MSN: variants seen among roughly 807,000 people sequenced by gnomAD.
MSN encodes moesin.
A neutral mutation model predicts 48.0 loss-of-function variants in MSN; 2 were observed. The observed-to-expected ratio is 0.04, with a 90% CI of 0.02 to 0.13. The LOEUF is 0.13. Ranked by LOEUF, MSN falls within the 10% of genes least tolerant of loss-of-function variation. The pLI, the probability that MSN is intolerant of heterozygous loss-of-function variation, is 1.00. For missense variants in MSN, 267 were observed against 470.1 expected (o/e 0.57, Z 3.99); for synonymous variants, 146 against 166.9 (o/e 0.87, Z 0.97).
intron 1 of MSN, among the ~76,000 whole-genome samples, chrX:65,681,712 A>T (rs1329840723): frequency 8.9e-6 from 1 of 112,104 alleles, no homozygotes; most frequent in Non-Finnish European, 1.9e-5. Context: ...CTGAGGATTC[A>T]TTCAGTGCAC....
intron 1 of MSN, among the ~76,000 whole-genome samples, chrX:65,596,494 G>C (rs980283675): frequency 4.5e-5 from 5 of 110,971 alleles, no homozygotes; most frequent in Admixed American, 9.6e-5. Flanking sequence ...GCCCACAGTT[G>C]CCGCTGAGAA....
intron 10 of MSN, 56 bp downstream of exon 10, chrX:65,737,394 C>T: frequency 8.7e-7 from 1 of 1,146,176 alleles, no homozygotes; most frequent in East Asian, 3.0e-5. Flanking sequence ...CCTTGTCTGC[C>T]TACTTACTTA....
At chrX:65,668,796 GCCCTT>G (rs748315795) in intron 1 of MSN, among the ~76,000 whole-genome samples, 3 of 111,897 alleles carry the variant, frequency 2.7e-5, no homozygotes, top group Non-Finnish European at 5.6e-5. Context: ...GGCTGCTGAG[GCCCTT>G]CCCTTGCTCA....
At chrX:65,723,566 T>G (rs1181883230) in intron 2 of MSN, among the ~76,000 whole-genome samples, 2 of 111,870 alleles carry the variant, frequency 1.8e-5, no homozygotes, top group African/African-American at 6.5e-5. Flanking sequence ...ATAAGGACCC[T>G]AGTCACTGGA....
At chrX:65,719,982 G>A (rs1024618205) in intron 2 of MSN, among the ~76,000 whole-genome samples, 17 of 111,693 alleles carry the variant, frequency 1.5e-4, no homozygotes, top group African/African-American at 5.5e-4. Flanking sequence ...AGTCCAGATA[G>A]TAGGGAACCC....
At chrX:65,661,142 TTAG>T (rs1235706084) in intron 1 of MSN, among the ~76,000 whole-genome samples, 1 of 110,400 alleles carries the variant, frequency 9.1e-6, no homozygotes, top group Non-Finnish European at 1.9e-5. Context: ...TTTTGTATTT[TTAG>T]TAGAGACAAG....
At chrX:65,631,608 A>T (rs993463338) in intron 1 of MSN, among the ~76,000 whole-genome samples, 12 of 111,565 alleles carry the variant, frequency 1.1e-4, no homozygotes, top group Admixed American at 1.1e-3. Context: ...CATGTTATTG[A>T]TGCACCGCAG....
chrX:65,594,043 A>G (rs751229424), intron 1 of MSN, among the ~76,000 whole-genome samples: 3 of 111,875 alleles, frequency 2.7e-5, no homozygotes, highest in Non-Finnish European at 5.6e-5. Flanking sequence ...GGGAGGTTGT[A>G]GGCAGAGAGG....
intron 2 of MSN, among the ~76,000 whole-genome samples, chrX:65,726,112 C>T (rs1602857284): frequency 9.0e-6 from 1 of 111,379 alleles, no homozygotes; most frequent in South Asian, 3.8e-4. Context: ...GGGGACATGG[C>T]TTCTCCCCAA....
chrX:65,691,281 T>A (rs1442837172), intron 1 of MSN, among the ~76,000 whole-genome samples: 1 of 110,812 alleles, frequency 9.0e-6, no homozygotes, highest in East Asian at 2.8e-4. Flanking sequence ...TTTAAGGGCA[T>A]TTTTTGTCTT....
rs188862300 is a variant in MSN, at chrX:65,677,506, C to T, written c.12+9653C>T. 2.3e-3 allele frequency among the ~76,000 whole-genome samples: 262 copies of T among 111,943 alleles called. 3 individuals are homozygous for T. The highest frequency in any genetic ancestry group is 8.4e-3 in the African/African-American group (258 of 30,810). On this transcript the variant is annotated intron_variant, in intron 1 of 12. Coordinates refer to ENST00000360270, the MANE Select transcript of MSN (RefSeq NM_002444.3). ...CGTGTGGTGGCTCATGCCTGTAATC[C>T]CAGCACTTTGAGAGGCTGAGGCAGG...
intron 2 of MSN, among the ~76,000 whole-genome samples, chrX:65,725,599 G>A (rs1196167844): frequency 1.8e-5 from 2 of 111,206 alleles, no homozygotes; most frequent in Admixed American, 1.9e-4. Flanking sequence ...TTCTGTTCAC[G>A]CCCACCCACT....
At chrX:65,725,748 T>C (rs2071562126) in intron 2 of MSN, among the ~76,000 whole-genome samples, 1 of 111,938 alleles carries the variant, frequency 8.9e-6, no homozygotes. Context: ...CTGGAAGCCT[T>C]TTGAACTTTC....
chrX:65,647,900 G>T (rs1355807032), intron 1 of MSN, among the ~76,000 whole-genome samples: 3 of 111,830 alleles, frequency 2.7e-5, no homozygotes, highest in Non-Finnish European at 5.6e-5. Flanking sequence ...TTAAGCTGGA[G>T]AATGACATGA....
intron 1 of MSN, among the ~76,000 whole-genome samples, chrX:65,600,247 T>C (rs1017980420): frequency 9.0e-6 from 1 of 111,156 alleles, no homozygotes; most frequent in Admixed American, 9.6e-5. Flanking sequence ...AAATTTCTGT[T>C]GGCTGCTCTG....
At position 65,661,979 on chromosome X, in the gene MSN, A is replaced by T. The variant is rs769818806; in HGVS notation, c.-21-54839A>T. Among the ~76,000 whole-genome samples the T allele has an allele frequency of 2.8e-4, 31 of 112,629 alleles. 1 individual carries two copies. Among genetic ancestry groups the T allele is most frequent in the South Asian group, 1.1e-3 (3 of 2,741 alleles). On this transcript the variant is annotated intron_variant, in intron 1 of 3. Coordinates refer to the MSN transcript ENST00000609672. ...CAATGAGCTGAGATTGTGCCATTGC[A>T]TTACAGCCTGTGTGATAGAGCAACA...
chrX:65,606,011 C>A (rs748271643), intron 1 of MSN, among the ~76,000 whole-genome samples: 2 of 110,470 alleles, frequency 1.8e-5, no homozygotes, highest in Non-Finnish European at 3.8e-5. Flanking sequence ...GGCATGATCA[C>A]AGCTCACTGC....
At chrX:65,666,261 G>T (rs1267643589), upstream of MSN, among the ~76,000 whole-genome samples, 3 of 109,254 alleles carry the variant, frequency 2.7e-5, no homozygotes, top group Non-Finnish European at 5.7e-5. Context: ...CAAGTGATCT[G>T]CAGGTCTTGG....
chrX:65,603,145 T>G (rs1053766718), intron 1 of MSN, among the ~76,000 whole-genome samples: 2 of 111,089 alleles, frequency 1.8e-5, no homozygotes, highest in African/African-American at 6.6e-5. Context: ...AATACAAAAA[T>G]TATTTGGGCG....
Sources: gnomAD v4.1 joint callset for allele counts (sites outside exome capture counted in the v4.1 genomes callset) on GRCh38, gnomAD v4.1.1 for gene constraint, MANE v1.5 for transcripts, NCBI Gene and HGNC (gene_info 2026-07-23, HGNC 2026-07-21) for gene names.